Variants in CEP76 observed in about 807,000 individuals in gnomAD.
CEP76 encodes the protein centrosomal protein 76, also known as centrosomal protein of 76 kDa.
In CEP76, 55 loss-of-function variants were observed where a neutral mutation model predicts 83.3. The observed-to-expected ratio is 0.66, with a 90% confidence interval of 0.53 to 0.83. CEP76 has a LOEUF of 0.83. CEP76 is among the 40% of genes least tolerant of loss of function. The probability of loss-of-function intolerance (pLI) is 0.00; values close to 1 mark genes in which losing one functional copy is unlikely to be tolerated. For missense variants in CEP76, 694 were observed against 799.5 expected, an observed-to-expected ratio of 0.87 and a Z score of 1.59; for synonymous variants, 270 against 274.5, an observed-to-expected ratio of 0.98 and a Z score of 0.16.
At chr18:12,664,035 ATGCC>A (rs2038753608) in intron 12 of CEP76, among the ~76,000 whole-genome samples, 1 of 152,220 alleles carries the variant, frequency 6.6e-6, no homozygotes, top group African/African-American at 2.4e-5. Context: ...ATGGTGGTGC[ATGCC>A]TGTAATCCCA....
chr18:12,697,290 C>A lies in CEP76; in HGVS notation c.639G>T (p.Leu213=). 6.2e-6 allele frequency: 10 copies of A among 1,613,994 alleles called. No individual in the cohort carries two copies. The highest frequency in any genetic ancestry group is 8.5e-6 in the Non-Finnish European group (10 of 1,179,964). ...GETTLVASYF[L]EWRSVLGSEN... The stretch of plus-strand genomic sequence containing the variant: ...CTGAGCCCAAAACCGATCGCCATTC[C>A]AGAAAATATGATGCTACTAAAGTCG... The change falls in exon 5 of 12, where the codon CTG becomes CTT. Residue 213 remains leucine (L), a synonymous_variant. Coordinates refer to ENST00000262127, the MANE Select transcript of CEP76 (RefSeq NM_024899.4).
intron 8 of CEP76, 137 bp downstream of exon 8, chr18:12,686,125 A>G (rs2039532689): frequency 1.8e-6 from 1 of 545,210 alleles, no homozygotes; most frequent in African/African-American, 1.9e-5. Flanking sequence ...AGTTGGTTGA[A>G]TCTACAGATA....
At chr18:12,676,279 CTTTTTTTT>C in intron 10 of CEP76, among the ~76,000 whole-genome samples, 1 of 106,430 alleles carries the variant, frequency 9.4e-6, no homozygotes, top group East Asian at 2.9e-4. Context: ...ACAGTAATTC[CTTTTTTTT>C]TTTTTTTTTT....
chr18:12,684,218 C>T (rs1268729186), intron 8 of CEP76: 1 of 152,092 alleles, frequency 6.6e-6, no homozygotes, highest in Non-Finnish European at 1.5e-5. Flanking sequence ...ATCCGCCCGC[C>T]TCAGCCTCCC....
rs77719285 is a variant in CEP76 at position 12,673,513 on chromosome 18, A to T, written c.1842-10T>A. The T allele has an allele frequency of 3.9e-5, 59 of 1,498,356 alleles. No individual in the cohort carries two copies. Among genetic ancestry groups the T allele is most frequent in the African/African-American group, 7.3e-5 (5 of 68,780 alleles). The allele number at this position is 1,498,356 out of a possible 1,614,324, so 92.8% of individuals were successfully genotyped here. On this transcript the variant is annotated splice_polypyrimidine_tract_variant and intron_variant, in intron 11 of 11. Transcript: ENST00000262127. ...TTCACAGAAAGGAGATCTATTTAAG[A>T]AAAAAAAAATTATTCAATTAAGAAG...
Position 12,702,605 on chromosome 18 carries a change from G to A in CEP76, c.-57C>T. 3.9e-6 allele frequency: 6 copies of A among 1,555,210 alleles called. No homozygotes were observed. The highest frequency in any genetic ancestry group is 5.2e-6 in the Non-Finnish European group (6 of 1,155,086). On this transcript the variant is annotated 5_prime_UTR_variant, in exon 1 of 12. Transcript: ENST00000262127. ...CCCGCCTCAGATGCCCTAACTGCGC[G>A]GCCCCGGCCGGGCCAGGGAGCGTTA...
At chr18:12,678,535 C>G in intron 9 of CEP76, 93 bp from the exon 10 acceptor site, 1 of 784,316 alleles carries the variant, frequency 1.3e-6, no homozygotes, top group Non-Finnish European at 2.0e-6. Context: ...AAGGCCATAA[C>G]TACTTCTCAG....
intron 11 of CEP76, 85 bp from the exon 12 acceptor site, chr18:12,673,588 A>G (rs967109549): frequency 1.7e-6 from 2 of 1,204,400 alleles, no homozygotes; most frequent in South Asian, 1.4e-5. Flanking sequence ...TATTTAAAAT[A>G]ATTTTTTCAG....
chr18:12,694,970 C>T (rs563100349), intron 6 of CEP76, among the ~76,000 whole-genome samples: 93 of 152,188 alleles, frequency 6.1e-4, no homozygotes, highest in Admixed American at 3.0e-3. Flanking sequence ...CCGCCTCGGC[C>T]TCCCAAAGTG....
intron 6 of CEP76, among the ~76,000 whole-genome samples, chr18:12,694,779 T>C (rs1280970489): frequency 6.6e-6 from 1 of 151,838 alleles, no homozygotes; most frequent in Non-Finnish European, 1.5e-5. Flanking sequence ...TGGTGCGATC[T>C]GGGCTCACTG....
Position 12,686,398 on chromosome 18 carries a change from G to A in CEP76, c.986C>T (p.Ala329Val). The A allele has an allele frequency of 2.5e-6, 4 of 1,614,004 alleles. No homozygotes were observed. The highest frequency in any genetic ancestry group is 3.4e-6 in the Non-Finnish European group (4 of 1,179,968). ...PVCSYVKPLR[A>V]GRLLDTPRQA... The stretch of plus-strand genomic sequence containing the variant: ...CCTTGGAGTATCAAGAAGCCGTCCA[G>A]CTCGAAGTGGTTTAACATAGGAACA... The change falls in exon 8 of 12, where the codon GCT becomes GTT. Residue 329 changes from alanine to valine, a missense_variant. By Grantham distance (64) the Ala-to-Val change is moderately conservative (BLOSUM62 0). Coordinates refer to ENST00000262127, the MANE Select transcript of CEP76 (RefSeq NM_024899.4).
chr18:12,702,565 T>G lies in CEP76; in HGVS notation c.-17A>C, dbSNP rs202200437. On this transcript the variant is annotated 5_prime_UTR_variant, in exon 1 of 12. Coordinates refer to ENST00000262127, the MANE Select transcript of CEP76 (RefSeq NM_024899.4). ...CAGCGACATGCTGGCAGCCGGCGTC[T>G]CCCCGCCGCTTCTCCCCGCCTCAGA... The G allele has an allele frequency of 6.5e-7, 1 of 1,546,728 alleles. No individual in the cohort carries two copies. Among genetic ancestry groups the G allele is most frequent in the South Asian group, 1.2e-5 (1 of 85,484 alleles).
rs1028638972 is a variant in CEP76 at position 12,697,481 on chromosome 18, T to A, written c.521-73A>T. On this transcript the variant is annotated intron_variant, in intron 4 of 11. Coordinates refer to ENST00000262127, the MANE Select transcript of CEP76 (RefSeq NM_024899.4). ...AGGCCAACATAAAAGAATACTTTTA[T>A]TAAACAGTAAATAATAAGCTTATAT... is the stretch of plus-strand genomic sequence containing the variant. 13 of 1,009,838 alleles carry A rather than the reference T, an allele frequency of 1.3e-5. No individual in the cohort carries two copies. The South Asian group carries it at 2.4e-4, about 19-fold the overall frequency. 62.6% of individuals were successfully genotyped at this position (1,009,838 alleles called of 1,614,324 possible). A position where few individuals can be genotyped will look rare whatever the true frequency, so the allele number is the denominator to read the frequency against.
chr18:12,688,449 T>A (rs993963599), intron 7 of CEP76, among the ~76,000 whole-genome samples: 1 of 152,172 alleles, frequency 6.6e-6, no homozygotes, highest in African/African-American at 2.4e-5. Flanking sequence ...GGTGCAGGAC[T>A]GTTACTCCTA....
Position 12,678,366 on chromosome 18 carries a change from T to C in CEP76, c.1366A>G (p.Ile456Val). The stretch of plus-strand genomic sequence containing the variant: ...ATCTGATGGTTGAAAACACAACCAA[T>C]TGTTCGATATGGGTACAGTGGTTTG... The part of the protein sequence containing the change: ...QPKPLYPYRT[I>V]GCVFNHQMFL... The change falls in exon 10 of 12, where the codon ATT becomes GTT. Residue 456 changes from isoleucine to valine, a missense_variant. Ile to Val is a conservative substitution (Grantham distance 29). Coordinates refer to ENST00000262127, the MANE Select transcript of CEP76 (RefSeq NM_024899.4). 1 of 1,614,102 alleles carries C rather than the reference T, an allele frequency of 6.2e-7. No homozygotes were observed. The highest frequency in any genetic ancestry group is 8.5e-7 in the Non-Finnish European group (1 of 1,179,986).
Position 12,683,002 on chromosome 18 carries a change from A to G in CEP76, c.1123-2174T>C, listed in dbSNP as rs560722606. Reference sequence around the variant, plus strand: ...AAGTAAAATAAAAATATCTGCAAAGATAGTCAGTGTGAAAGTTCATTCATG... The same window carrying G: ...AAGTAAAATAAAAATATCTGCAAAGGTAGTCAGTGTGAAAGTTCATTCATG... On this transcript the variant is annotated intron_variant, in intron 8 of 11. Coordinates refer to ENST00000262127, the MANE Select transcript of CEP76 (RefSeq NM_024899.4). 3.3e-5 allele frequency among the ~76,000 whole-genome samples: 5 copies of G among 152,132 alleles called. No individual in the cohort carries two copies. In the South Asian group the frequency reaches 1.0e-3, roughly 32 times the overall value.
chr18:12,675,178 T>C (rs2039078397), intron 10 of CEP76, among the ~76,000 whole-genome samples: 1 of 152,104 alleles, frequency 6.6e-6, no homozygotes, highest in African/African-American at 2.4e-5. Flanking sequence ...GGGCGGATCA[T>C]GAGGTCAGGA....
chr18:12,667,848 C>CTTT (rs36019439), downstream of CEP76, among the ~76,000 whole-genome samples: 2 of 116,738 alleles, frequency 1.7e-5, no homozygotes, highest in South Asian at 2.7e-4. Context: ...CTTTCTGATC[C>CTTT]TTTTTTTTTT....
intron 2 of CEP76, 66 bp downstream of exon 2, chr18:12,700,892 A>T (rs540879758): frequency 2.2e-6 from 3 of 1,338,654 alleles, no homozygotes; most frequent in African/African-American, 1.5e-5. Flanking sequence ...TCGGAACCTT[A>T]TAAGTAGTGT....
Sources: gnomAD v4.1 joint callset for allele counts (sites outside exome capture counted in the v4.1 genomes callset) on GRCh38, gnomAD v4.1.1 for gene constraint, MANE v1.5 for transcripts, NCBI Gene and HGNC (gene_info 2026-07-23, HGNC 2026-07-21) for gene names.